Variants in RSPO1 observed in about 807,000 individuals in gnomAD.
RSPO1 encodes the protein R-spondin-1.
A neutral mutation model predicts 26.0 loss-of-function variants in RSPO1; 18 were observed. The ratio of observed to expected loss-of-function variants is 0.69; its 90% CI spans 0.48 to 1.03. The LOEUF is 1.03. Ranked by LOEUF, RSPO1 falls within the 50% of genes least tolerant of loss-of-function variation. RSPO1 has a pLI of 0.00. For synonymous variants in RSPO1, 133 were observed against 137.4 expected, an observed-to-expected ratio of 0.97 and a Z score of 0.22; for missense variants, 309 against 352.3, an observed-to-expected ratio of 0.88 and a Z score of 0.98.
intron 4 of RSPO1, 139 bp from the exon 5 acceptor site, chr1:37,614,472 C>CA: frequency 1.1e-6 from 1 of 929,142 alleles, no homozygotes; most frequent in East Asian, 2.6e-5. Context: ...GCAGGTACTG[C>CA]AGAGGAATCT....
chr1:37,632,628 A>G (rs965649587), intron 1 of RSPO1, among the ~76,000 whole-genome samples: 10 of 152,156 alleles, frequency 6.6e-5, no homozygotes. Flanking sequence ...AGATCTTCTG[A>G]TTTTCTAAAA....
rs1644328306 is a variant in RSPO1 at position 37,629,681 on chromosome 1, GCCC to G, written c.-23_-21del. 6.2e-7 allele frequency: 1 copy of G among 1,613,700 alleles called. No individual in the cohort carries two copies. Among genetic ancestry groups the G allele is most frequent in the African/African-American group, 1.3e-5 (1 of 74,916 alleles). On this transcript the variant is annotated 5_prime_UTR_variant, in exon 3 of 7. Coordinates refer to ENST00000356545, the MANE Select transcript of RSPO1 (RefSeq NM_001242908.2). The stretch of plus-strand genomic sequence containing the variant: ...CCGCATAGTCACGCGCCAGCTCCAG[GCCC>G]CTGGTCGGAGGGGTGGTCTCGGGGA...
chr1:37,619,236 A>ACAAAC (rs773842330), intron 3 of RSPO1, among the ~76,000 whole-genome samples: 1 of 152,186 alleles, frequency 6.6e-6, no homozygotes, highest in Non-Finnish European at 1.5e-5. Flanking sequence ...ACAAAACAAA[A>ACAAAC]CAAACAAACA....
chr1:37,630,413 G>A (rs1644341240), intron 2 of RSPO1, among the ~76,000 whole-genome samples: 1 of 152,220 alleles, frequency 6.6e-6, no homozygotes, highest in Non-Finnish European at 1.5e-5. Flanking sequence ...CACCTGTCCT[G>A]GAGTTAGAGC....
chr1:37,613,924 A>G lies in RSPO1; in HGVS notation c.437-32T>C. On this transcript the variant is annotated intron_variant, in intron 5 of 6. Transcript: ENST00000356545. The surrounding 1 kb of genome is among the most constrained non-coding windows in gnomAD (Gnocchi z 4.5). ...GGAAGAGAAGGGAAGGGAGAGAAGG[A>G]CAAGGAGGAGGGGATCATGTCTCCT... 6.2e-7 allele frequency: 1 copy of G among 1,610,150 alleles called. No homozygotes were observed. Among genetic ancestry groups the G allele is most frequent in the Non-Finnish European group, 8.5e-7 (1 of 1,176,714 alleles).
chr1:37,624,694 G>T (rs1249225888), intron 3 of RSPO1, among the ~76,000 whole-genome samples: 1 of 152,132 alleles, frequency 6.6e-6, no homozygotes, highest in Non-Finnish European at 1.5e-5. Context: ...CCCGCTAGGG[G>T]CTTCACTTCT....
chr1:37,630,664 G>T (rs998965198), intron 2 of RSPO1, among the ~76,000 whole-genome samples: 1 of 152,248 alleles, frequency 6.6e-6, no homozygotes. Context: ...GGTGATGGGG[G>T]CAGGGGAGCC....
At chr1:37,615,183 G>A (rs1325073309) in intron 4 of RSPO1, among the ~76,000 whole-genome samples, 1 of 152,152 alleles carries the variant, frequency 6.6e-6, no homozygotes, top group Non-Finnish European at 1.5e-5. Context: ...GTAGCTCCCA[G>A]GGTCCCACCT....
chr1:37,624,417 C>T (rs1644247686), intron 3 of RSPO1, among the ~76,000 whole-genome samples: 1 of 152,044 alleles, frequency 6.6e-6, no homozygotes. Flanking sequence ...GAGGGAGCCT[C>T]CTTCCTGACT....
intron 3 of RSPO1, among the ~76,000 whole-genome samples, chr1:37,617,661 CAAAAAAA>C (rs34856591): frequency 0.01 from 367 of 36,336 alleles, 2 homozygotes; most frequent in African/African-American, 0.04. Context: ...GACTCCATCT[CAAAAAAA>C]AAAAAAAAAA....
intron 3 of RSPO1, among the ~76,000 whole-genome samples, chr1:37,628,746 G>A (rs1270168486): frequency 6.6e-6 from 1 of 152,174 alleles, no homozygotes; most frequent in Non-Finnish European, 1.5e-5. Context: ...ATCAAATTCG[G>A]CTTTCAAGAA....
At chr1:37,615,075 TCCTC>T (rs1287122054) in intron 4 of RSPO1, among the ~76,000 whole-genome samples, 1 of 152,108 alleles carries the variant, frequency 6.6e-6, no homozygotes, top group Admixed American at 6.5e-5. Context: ...GGGGCTGACT[TCCTC>T]CCAGGCTCTG....
At position 37,614,168 on chromosome 1, in the gene RSPO1, G is replaced by A; in HGVS notation, c.436+16C>T. ...GGGTCCTGGACCCTCTGCCCACAGTGCCTGCCATGGCTTACCAGGACTACT... is the reference window on the plus strand; with the variant it reads ...GGGTCCTGGACCCTCTGCCCACAGTACCTGCCATGGCTTACCAGGACTACT... On this transcript the variant is annotated intron_variant, in intron 5 of 6. Coordinates refer to ENST00000356545, the MANE Select transcript of RSPO1 (RefSeq NM_001242908.2). 6.2e-7 allele frequency: 1 copy of A among 1,611,542 alleles called. No individual in the cohort carries two copies. Among genetic ancestry groups the A allele is most frequent in the Non-Finnish European group, 8.5e-7 (1 of 1,179,634 alleles).
intron 1 of RSPO1, among the ~76,000 whole-genome samples, chr1:37,633,906 A>G (rs1244753523): frequency 6.6e-6 from 1 of 152,182 alleles, no homozygotes; most frequent in Non-Finnish European, 1.5e-5. Context: ...GGCCCTCAAG[A>G]GCCAAGAGAG....
Position 37,616,560 on chromosome 1 carries a change from G to A in RSPO1, c.210C>T (p.Arg70=). The change falls in exon 4 of 7, where the codon CGC becomes CGT. Residue 70 remains arginine, a synonymous_variant. Coordinates refer to ENST00000356545, the MANE Select transcript of RSPO1 (RefSeq NM_001242908.2). ...AGGACGGCAAGCAGACGCCCACCTG[G>A]CGGATGTCGTTCCTCTCCAGCAGGA... is the stretch of plus-strand genomic sequence containing the variant. The part of the protein sequence containing the change: ...LFILLERNDI[R]QVGVCLPSCP... 3.7e-6 allele frequency: 6 copies of A among 1,614,224 alleles called. No individual in the cohort carries two copies. The highest frequency in any genetic ancestry group is 5.1e-6 in the Non-Finnish European group (6 of 1,180,046).
chr1:37,612,603 G>T lies in RSPO1; in HGVS notation c.*152C>A, dbSNP rs1288381963. 3.7e-6 allele frequency: 3 copies of T among 809,196 alleles called. No individual in the cohort carries two copies. In the Admixed American group the frequency reaches 5.4e-5, roughly 15 times the overall value. The allele number at this position is 809,196 out of a possible 1,614,324, so 50.1% of individuals were successfully genotyped here. A position where few individuals can be genotyped will look rare whatever the true frequency, so the allele number is the denominator to read the frequency against. On this transcript the variant is annotated 3_prime_UTR_variant, in exon 7 of 7. Coordinates refer to ENST00000356545, the MANE Select transcript of RSPO1 (RefSeq NM_001242908.2). Reference sequence around the variant, plus strand: ...TGTATGGTTGTATATGTGGACAGGGGTTTGAGCGTGTGTGTCTTGTGTCTA... The same window carrying T: ...TGTATGGTTGTATATGTGGACAGGGTTTTGAGCGTGTGTGTCTTGTGTCTA...
chr1:37,624,605 C>T (rs145254217), intron 3 of RSPO1, among the ~76,000 whole-genome samples: 7 of 152,310 alleles, frequency 4.6e-5, no homozygotes, highest in East Asian at 3.9e-4. Context: ...TTTTAAGTTG[C>T]TGTGGCTATG....
chr1:37,629,515 G>T (rs1644325022), intron 3 of RSPO1, 53 bp downstream of exon 3: 1 of 1,471,622 alleles, frequency 6.8e-7, no homozygotes, highest in Non-Finnish European at 9.5e-7. Flanking sequence ...GTTCCTGGGT[G>T]GCCCCCTCCC....
In RSPO1 at chr1:37,612,788, T is replaced by C. The variant is rs1374913377; in HGVS notation, c.759A>G (p.Thr253=). 3 of 1,612,546 alleles carry C rather than the reference T, an allele frequency of 1.9e-6. No individual in the cohort carries two copies. The East Asian group carries it at 6.7e-5, about 36-fold the overall frequency. The change falls in exon 7 of 7, where the codon ACA becomes ACG. Residue 253 remains threonine (T), a synonymous_variant. Coordinates refer to ENST00000356545, the MANE Select transcript of RSPO1 (RefSeq NM_001242908.2). The part of the protein sequence containing the change: ...KGQQQQQQQG[T]VGPLTSAGPA ...GCCCTGCAGATGTGAGTGGCCCCAC[T>C]GTCCCTTGCTGCTGCTGCTGTTGCT... is the stretch of plus-strand genomic sequence containing the variant.
Sources: gnomAD v4.1 joint callset for allele counts (sites outside exome capture counted in the v4.1 genomes callset) on GRCh38, gnomAD v4.1.1 for gene constraint, Gnocchi (gnomAD v3.1) non-coding constraint, MANE v1.5 for transcripts, NCBI Gene and HGNC (gene_info 2026-07-23, HGNC 2026-07-21) for gene names.